ODAD4: variants seen among roughly 807,000 people sequenced by gnomAD.
ODAD4 encodes outer dynein arm docking complex subunit 4.
ODAD4 carries 49 observed loss-of-function variants against 51.8 expected under a neutral mutation model. The observed-to-expected ratio is 0.95, with a 90% CI of 0.75 to 1.20. The LOEUF is 1.20. Among genes scored for constraint, ODAD4 ranks in the 50% most tolerant of loss-of-function variants. The pLI, the probability that ODAD4 is intolerant of heterozygous loss-of-function variation, is 0.00. For missense variants in ODAD4, 590 were observed against 586.5 expected (o/e 1.01, Z -0.06); for synonymous variants, 235 against 221.3 (o/e 1.06, Z -0.55).
chr17:41,965,693 T>C lies in ODAD4; in HGVS notation c.*210T>C. 1.9e-6 allele frequency: 1 copy of C among 520,732 alleles called. No homozygotes were observed. Among genetic ancestry groups the C allele is most frequent in the Non-Finnish European group, 3.4e-6 (1 of 296,076 alleles). The allele number at this position is 520,732 out of a possible 1,614,324, so 32.3% of individuals were successfully genotyped here. A position where few individuals can be genotyped will look rare whatever the true frequency, so the allele number is the denominator to read the frequency against. On this transcript the variant is annotated 3_prime_UTR_variant, in exon 12 of 12. Transcript: ENST00000377540. ...TTGCCTCTTCACCCCTGCCCATTCT[T>C]GGAAGAGCATCGTGGAAGAAATGAG...
chr17:41,961,934 G>A (rs979247717), intron 11 of ODAD4, among the ~76,000 whole-genome samples: 4 of 152,166 alleles, frequency 2.6e-5, no homozygotes, highest in African/African-American at 9.7e-5. Flanking sequence ...AGGCAGAGGA[G>A]GCTTCGACGA....
At chr17:41,953,437 G>A (rs1461989487) in intron 9 of ODAD4, among the ~76,000 whole-genome samples, 1 of 152,116 alleles carries the variant, frequency 6.6e-6, no homozygotes, top group Non-Finnish European at 1.5e-5. Flanking sequence ...CTTGGGAGGA[G>A]GATAGATCTT....
chr17:41,941,851 AG>A (rs781801165), intron 7 of ODAD4, among the ~76,000 whole-genome samples: 74 of 152,000 alleles, frequency 4.9e-4, no homozygotes, highest in Non-Finnish European at 9.6e-4. Context: ...CCCTCTCCAC[AG>A]GTAGCCTTTC....
Position 41,939,113 on chromosome 17 carries a change from G to C in ODAD4, c.999G>C (p.Leu333=), listed in dbSNP as rs782625285. The C allele has an allele frequency of 6.2e-7, 1 of 1,613,976 alleles. No homozygotes were observed. Among genetic ancestry groups the C allele is most frequent in the Non-Finnish European group, 8.5e-7 (1 of 1,179,886 alleles). ...YSCIGNAQIE[L]GQMEAALQSH... ...GCATAGGGAATGCCCAGATTGAGCT[G>C]GGGCAGATGGAGGCAGCCCTGCAGA... is the stretch of plus-strand genomic sequence containing the variant. Residue 333 remains leucine, a synonymous_variant, in exon 7 of 12, where the codon CTG becomes CTC. Transcript: ENST00000377540.
At chr17:41,957,246 A>G (rs1465022417) in intron 10 of ODAD4, among the ~76,000 whole-genome samples, 1 of 152,080 alleles carries the variant, frequency 6.6e-6, no homozygotes, top group African/African-American at 2.4e-5. Context: ...ACCAGGCTCC[A>G]GTTTTGCAGA....
At chr17:41,960,760 A>C (rs1448169280) in intron 10 of ODAD4, among the ~76,000 whole-genome samples, 1 of 152,178 alleles carries the variant, frequency 6.6e-6, no homozygotes, top group Non-Finnish European at 1.5e-5. Context: ...GGGCAGACCA[A>C]CACCACAAGA....
chr17:41,946,571 C>T lies in ODAD4; in HGVS notation c.1145+1349C>T, dbSNP rs1567934252. On this transcript the variant is annotated intron_variant, in intron 8 of 11. Transcript: ENST00000377540. ...AACTCCTGACCTCAGGTGATTCACC[C>T]GCCATGGCGTCCCAAAGTGCTGGGA... Among the ~76,000 whole-genome samples the T allele has an allele frequency of 3.9e-5, 6 of 152,316 alleles. No individual in the cohort carries two copies. In the South Asian group the frequency reaches 6.2e-4, roughly 16 times the overall value.
intron 8 of ODAD4, among the ~76,000 whole-genome samples, chr17:41,948,890 C>T (rs1232015284): frequency 6.6e-6 from 1 of 152,170 alleles, no homozygotes; most frequent in Non-Finnish European, 1.5e-5. Flanking sequence ...GATCTGCCCA[C>T]TTCAGCCTCC....
At chr17:41,941,766 CA>C (rs35275435) in intron 7 of ODAD4, among the ~76,000 whole-genome samples, 80,733 of 122,080 alleles carry the variant, frequency 0.66, 26,307 homozygotes, top group East Asian at 0.8. Flanking sequence ...GACTCCGTCT[CA>C]AAAAAAAAAA....
rs2050883489 is a variant in ODAD4, at chr17:41,966,116, G to A, written c.*633G>A. Among the ~76,000 whole-genome samples the A allele has an allele frequency of 6.6e-6, 1 of 152,240 alleles. No individual in the cohort carries two copies. Among genetic ancestry groups the A allele is most frequent in the South Asian group, 2.1e-4 (1 of 4,826 alleles). ...TGCCTCAGGGGTTGCTGCGAGGACTGAGTGCTTAGCACAGCACTTGGACAG... is the reference window on the plus strand; with the variant it reads ...TGCCTCAGGGGTTGCTGCGAGGACTAAGTGCTTAGCACAGCACTTGGACAG... On this transcript the variant is annotated 3_prime_UTR_variant, in exon 12 of 12. Coordinates refer to ENST00000377540, the MANE Select transcript of ODAD4 (RefSeq NM_031421.5).
At chr17:41,952,057 G>C (rs1255167627) in intron 9 of ODAD4, among the ~76,000 whole-genome samples, 20 of 151,466 alleles carry the variant, frequency 1.3e-4, no homozygotes, top group Non-Finnish European at 2.4e-4. Context: ...AACTTAAAGA[G>C]ACCTCATCTC....
chr17:41,939,105 A>G lies in ODAD4; in HGVS notation c.991A>G (p.Ile331Val), dbSNP rs782514816. ...GTATAGCTGCATAGGGAATGCCCAGATTGAGCTGGGGCAGATGGAGGCAGC... is the reference window on the plus strand; with the variant it reads ...GTATAGCTGCATAGGGAATGCCCAGGTTGAGCTGGGGCAGATGGAGGCAGC... ...NLYSCIGNAQ[I>V]ELGQMEAALQ... Residue 331 changes from isoleucine (I) to valine (V), a missense_variant, in exon 7 of 12, where the codon ATT becomes GTT. This residue lies in a region of ODAD4 where 360 missense variants were observed against 407.5 expected (regional missense o/e 0.88). Coordinates refer to ENST00000377540, the MANE Select transcript of ODAD4 (RefSeq NM_031421.5). 6.2e-7 allele frequency: 1 copy of G among 1,614,000 alleles called. No homozygotes were observed. Among genetic ancestry groups the G allele is most frequent in the South Asian group, 1.1e-5 (1 of 91,082 alleles).
chr17:41,953,116 A>G (rs2050681689), intron 9 of ODAD4, among the ~76,000 whole-genome samples: 1 of 151,986 alleles, frequency 6.6e-6, no homozygotes, highest in South Asian at 2.1e-4. Context: ...GCTGGAGTGC[A>G]GTGGTGCAAT....
intron 7 of ODAD4, among the ~76,000 whole-genome samples, chr17:41,940,877 TA>T (rs2050495630): frequency 6.6e-6 from 1 of 152,232 alleles, no homozygotes; most frequent in African/African-American, 2.4e-5. Context: ...ACAGGAATCC[TA>T]AACTTAACAT....
chr17:41,959,886 C>T (rs2050781960), intron 10 of ODAD4, among the ~76,000 whole-genome samples: 1 of 152,210 alleles, frequency 6.6e-6, no homozygotes, highest in African/African-American at 2.4e-5. Flanking sequence ...ACCCAAAAGA[C>T]CCCAGCAGGC....
chr17:41,961,502 A>T (rs1555641719), intron 11 of ODAD4, 36 bp downstream of exon 11: 1 of 718,932 alleles, frequency 1.4e-6, no homozygotes, highest in Non-Finnish European at 2.6e-6. Flanking sequence ...CAACTTCAGC[A>T]TTCTCCCTCT....
intron 1 of ODAD4, among the ~76,000 whole-genome samples, chr17:41,932,455 A>G (rs782518186): frequency 1.1e-4 from 16 of 152,228 alleles, no homozygotes; most frequent in African/African-American, 1.9e-4. Context: ...CAGAGGAAGG[A>G]TTCAAAGCCG....
At position 41,938,686 on chromosome 17, in the gene ODAD4, G is replaced by A. The variant is rs782566638; in HGVS notation, c.755G>A (p.Arg252Gln). 1.4e-5 allele frequency: 22 copies of A among 1,613,810 alleles called. No individual in the cohort carries two copies. Among genetic ancestry groups the A allele is most frequent in the Middle Eastern group, 3.3e-4 (2 of 6,084 alleles). ...CCGATCTACGCCAGGGAGCGGGACCGGAAGCTGATGCAAGAGAAATGGCTG... is the reference window on the plus strand; with the variant it reads ...CCGATCTACGCCAGGGAGCGGGACCAGAAGCTGATGCAAGAGAAATGGCTG... ...QKPIYARERDRKLMQEKWLRD... is the reference protein window; with the variant it reads ...QKPIYARERDQKLMQEKWLRD... The change falls in exon 6 of 12, where the codon CGG (arginine) becomes CAG (glutamine). Residue 252 changes from arginine to glutamine, a missense_variant. Physicochemically the swap from Arg to Gln is conservative, Grantham distance 43. Coordinates refer to ENST00000377540, the MANE Select transcript of ODAD4 (RefSeq NM_031421.5).
intron 1 of ODAD4, among the ~76,000 whole-genome samples, chr17:41,931,507 T>C (rs1309271196): frequency 2.0e-5 from 3 of 152,178 alleles, no homozygotes; most frequent in Admixed American, 6.6e-5. Context: ...CAGCACACCG[T>C]TGCTTATAAA....
Sources: allele counts gnomAD v4.1 joint callset (sites outside exome capture counted in the v4.1 genomes callset), GRCh38; gene constraint gnomAD v4.1.1; regional missense constraint gnomAD v4.1.1; transcripts MANE v1.5; gene names NCBI Gene and HGNC (gene_info 2026-07-23, HGNC 2026-07-21).